Variants in NRXN3 observed in about 807,000 individuals in gnomAD.
NRXN3 encodes neurexin 3, also known as neurexin III.
Under a neutral mutation model 137.6 loss-of-function variants are expected in NRXN3, and 32 were observed. The ratio of observed to expected loss-of-function variants is 0.23; its 90% CI spans 0.18 to 0.31. NRXN3 has a LOEUF of 0.31. NRXN3 is among the 10% of genes least tolerant of loss of function. The pLI, the probability that NRXN3 is intolerant of heterozygous loss-of-function variation, is 1.00. For synonymous variants in NRXN3, 798 were observed against 784.5 expected (o/e 1.02, Z -0.29); for missense variants, 1,574 against 2,062.5 (o/e 0.76, Z 4.59).
intron 19 of NRXN3, among the ~76,000 whole-genome samples, chr14:79,797,508 C>T (rs1262920359): frequency 2.0e-5 from 3 of 152,180 alleles, no homozygotes; most frequent in African/African-American, 2.4e-5. Flanking sequence ...ACATTCAGGA[C>T]CTGCTTCATG....
chr14:79,020,593 G>A (rs2099587950), intron 15 of NRXN3, among the ~76,000 whole-genome samples: 1 of 151,774 alleles, frequency 6.6e-6, no homozygotes, highest in African/African-American at 2.4e-5. Context: ...TAAATATATG[G>A]CAGAGTTTGC....
intron 17 of NRXN3, chr14:79,669,250 G>A (rs2098592361): frequency 6.6e-6 from 1 of 152,048 alleles, no homozygotes; most frequent in Non-Finnish European, 1.5e-5. Flanking sequence ...CAATCAAGAA[G>A]GAAAGCCATA....
intron 15 of NRXN3, among the ~76,000 whole-genome samples, chr14:79,147,766 G>A (rs373139555): frequency 1.3e-5 from 2 of 152,098 alleles, no homozygotes; most frequent in African/African-American, 4.8e-5. Flanking sequence ...AGGCAGCAAG[G>A]CATCGTTGCT....
chr14:79,787,149 T>C (rs1410129022), intron 19 of NRXN3, among the ~76,000 whole-genome samples: 3 of 152,252 alleles, frequency 2.0e-5, no homozygotes, highest in East Asian at 3.9e-4. Context: ...TACATGGTTG[T>C]AGAATTCAAA....
chr14:78,998,945 C>T (rs1421148621), intron 15 of NRXN3, among the ~76,000 whole-genome samples: 1 of 152,010 alleles, frequency 6.6e-6, no homozygotes, highest in Non-Finnish European at 1.5e-5. Context: ...TGATTGCAGG[C>T]ATTGATTTGA....
chr14:78,778,678 TTTTCTTTC>T (rs56391630), intron 8 of NRXN3, among the ~76,000 whole-genome samples: 7,510 of 114,356 alleles, frequency 0.066, 292 homozygotes, highest in Middle Eastern at 0.09. Flanking sequence ...TTCTCTTTTC[TTTTCTTTC>T]TTTCTTTCTT....
At chr14:79,429,112 G>C (rs1365691186) in intron 15 of NRXN3, among the ~76,000 whole-genome samples, 1 of 152,076 alleles carries the variant, frequency 6.6e-6, no homozygotes, top group Non-Finnish European at 1.5e-5. Context: ...CCTAGTTAGA[G>C]GTGACATGAA....
At chr14:79,529,461 C>G (rs1192910110) in intron 16 of NRXN3, among the ~76,000 whole-genome samples, 2 of 152,156 alleles carry the variant, frequency 1.3e-5, no homozygotes, top group Non-Finnish European at 2.9e-5. Flanking sequence ...TTTCTTAAAA[C>G]AGGTACTGAG....
Position 79,663,863 on chromosome 14 carries a change from A to G in NRXN3, c.3530A>G (p.Lys1177Arg). ...GAGAGAACCCCTGTAAATGACGGCA[A>G]ATACCATGTGGTACGCTTCACCAGG... ...KEERTPVNDGKYHVVRFTRNG... is the reference protein window; with the variant it reads ...KEERTPVNDGRYHVVRFTRNG... Residue 1177 changes from lysine (K) to arginine (R), a missense_variant, in exon 17 of 21, where the codon AAA becomes AGA. Around this residue, in one of 5 missense-constraint regions of NRXN3, gnomAD observed 133 missense variants for 241.8 expected, o/e 0.55. Coordinates refer to ENST00000335750, the MANE Select transcript of NRXN3 (RefSeq NM_001330195.2). 6.2e-7 allele frequency: 1 copy of G among 1,613,596 alleles called. No individual in the cohort carries two copies.
intron 1 of NRXN3, among the ~76,000 whole-genome samples, chr14:78,178,110 A>G (rs930749967): frequency 6.6e-6 from 1 of 152,224 alleles, no homozygotes; most frequent in Non-Finnish European, 1.5e-5. Context: ...AACATGTCCA[A>G]GGCCACTCAG....
chr14:79,832,963 T>A (rs907690552), intron 20 of NRXN3, among the ~76,000 whole-genome samples: 1 of 152,106 alleles, frequency 6.6e-6, no homozygotes, highest in Non-Finnish European at 1.5e-5. Context: ...AAATGAATGC[T>A]CTAAATATAA....
chr14:79,195,043 T>C (rs1489470167), intron 15 of NRXN3, among the ~76,000 whole-genome samples: 1 of 152,194 alleles, frequency 6.6e-6, no homozygotes, highest in Non-Finnish European at 1.5e-5. Context: ...GAGTTAGTCA[T>C]GGATGGCTCC....
At chr14:78,361,137 C>T (rs968292943) in intron 4 of NRXN3, among the ~76,000 whole-genome samples, 3 of 152,152 alleles carry the variant, frequency 2.0e-5, no homozygotes, top group Admixed American at 2.0e-4. Flanking sequence ...TGAATCTTAG[C>T]CCCTTCTGAA....
At chr14:79,502,543 C>T (rs568117765) in intron 16 of NRXN3, among the ~76,000 whole-genome samples, 4 of 151,808 alleles carry the variant, frequency 2.6e-5, no homozygotes, top group Admixed American at 1.3e-4. Flanking sequence ...TCCCGCCTCT[C>T]CCTCTCCCTC....
chr14:78,415,301 A>G (rs2093068316), intron 4 of NRXN3, among the ~76,000 whole-genome samples: 1 of 152,184 alleles, frequency 6.6e-6, no homozygotes, highest in African/African-American at 2.4e-5. Flanking sequence ...TAATATATTC[A>G]TGAAGAAGTT....
Position 79,698,685 on chromosome 14 carries a change from A to G in NRXN3, c.4014+748A>G, listed in dbSNP as rs922893004. Among the ~76,000 whole-genome samples the G allele has an allele frequency of 9.2e-5, 14 of 152,090 alleles. No individual in the cohort carries two copies. The East Asian group carries it at 1.6e-3, about 17-fold the overall frequency. Reference sequence around the variant, plus strand: ...TCTAGTTAGTAGGGGGTAGGAGGTTAACTGAATTATTAGCCTTAAATGCTC... The same window carrying G: ...TCTAGTTAGTAGGGGGTAGGAGGTTGACTGAATTATTAGCCTTAAATGCTC... On this transcript the variant is annotated intron_variant, in intron 19 of 20. Transcript: ENST00000335750.
chr14:78,967,434 C>G, intron 13 of NRXN3, 36 bp downstream of exon 13: 1 of 1,485,214 alleles, frequency 6.7e-7, no homozygotes, highest in Non-Finnish European at 9.3e-7. Flanking sequence ...TTTAATAGAG[C>G]TTTTCTTACA....
intron 20 of NRXN3, among the ~76,000 whole-genome samples, chr14:79,823,008 GGA>G (rs1467068700): frequency 6.6e-6 from 1 of 152,128 alleles, no homozygotes; most frequent in Non-Finnish European, 1.5e-5. Flanking sequence ...TTGTAACAAA[GGA>G]GAGAGAGCTA....
chr14:79,815,220 T>G (rs2099248095), intron 20 of NRXN3, among the ~76,000 whole-genome samples: 1 of 152,206 alleles, frequency 6.6e-6, no homozygotes, highest in Non-Finnish European at 1.5e-5. Flanking sequence ...AAGGATTTGA[T>G]TAGTTGGATA....
Sources: gnomAD v4.1 joint callset for allele counts (sites outside exome capture counted in the v4.1 genomes callset) on GRCh38, gnomAD v4.1.1 for gene constraint, gnomAD v4.1.1 regional missense constraint, MANE v1.5 for transcripts, NCBI Gene and HGNC (gene_info 2026-07-23, HGNC 2026-07-21) for gene names.